The following MID1 variants were observed in gnomAD, a reference collection of about 807,000 sequenced individuals.
The protein encoded by MID1 is midline 1.
In MID1, 7 loss-of-function variants were observed where a neutral mutation model predicts 40.4. The observed-to-expected ratio is 0.17, with a 90% CI of 0.10 to 0.33. The LOEUF (loss-of-function observed/expected upper bound fraction) is 0.33, where lower values mean the gene tolerates loss of function less well. MID1 is among the 10% of genes least tolerant of loss of function. The probability of loss-of-function intolerance (pLI) is 1.00; values close to 1 mark genes in which losing one functional copy is unlikely to be tolerated. For synonymous variants in MID1, 229 were observed against 221.2 expected, an observed-to-expected ratio of 1.04 and a Z score of -0.31; for missense variants, 367 against 558.5, an observed-to-expected ratio of 0.66 and a Z score of 3.46.
chrX:10,561,379 A>C (rs1251071881), intron 2 of MID1, among the ~76,000 whole-genome samples: 3 of 107,115 alleles, frequency 2.8e-5, no homozygotes, highest in Non-Finnish European at 5.7e-5. Context: ...GGATCTAATT[A>C]AACTAAAGAG....
chrX:10,769,464 G>A (rs1309238625), intron 1 of MID1, among the ~76,000 whole-genome samples: 2 of 111,808 alleles, frequency 1.8e-5, no homozygotes, highest in Non-Finnish European at 3.8e-5. Context: ...TTTCCTCTGT[G>A]CCTTGAGACT....
rs755776145 is a variant in MID1 at position 10,728,379 on chromosome X, G to C, written c.-187+105175C>G. ...ACATCACACTTCTTGGAACAGTGTT[G>C]ACACAGTTCAATAAACGTTTATTGT... On this transcript the variant is annotated intron_variant, in intron 1 of 10. Transcript: ENST00000380785. Among the ~76,000 whole-genome samples the C allele has an allele frequency of 3.8e-4, 42 of 111,644 alleles. 1 individual carries two copies. The highest frequency in any genetic ancestry group is 5.1e-4 in the Non-Finnish European group (27 of 53,178).
chrX:10,654,398 C>G (rs958710597), intron 1 of MID1, among the ~76,000 whole-genome samples: 2 of 111,659 alleles, frequency 1.8e-5, no homozygotes, highest in Non-Finnish European at 3.8e-5. Context: ...CGCCAGGGAC[C>G]GGTTTCATGG....
chrX:10,626,314 T>C (rs916475179), intron 1 of MID1, among the ~76,000 whole-genome samples: 3 of 95,119 alleles, frequency 3.2e-5, no homozygotes, highest in Non-Finnish European at 5.9e-5. Flanking sequence ...TATGAAACTA[T>C]TATTATTATT....
chrX:10,483,605 C>T (rs969778871), intron 4 of MID1, among the ~76,000 whole-genome samples: 1 of 112,063 alleles, frequency 8.9e-6, no homozygotes, highest in African/African-American at 3.2e-5. Context: ...TTTCAACCGG[C>T]TTTATGATAA....
intron 7 of MID1, among the ~76,000 whole-genome samples, chrX:10,467,200 G>T (rs911859427): frequency 9.0e-6 from 1 of 111,586 alleles, no homozygotes; most frequent in Non-Finnish European, 1.9e-5. Context: ...TGATATCTCA[G>T]ACATAATATT....
chrX:10,672,674 T>G (rs1412617520), intron 1 of MID1, among the ~76,000 whole-genome samples: 2 of 111,319 alleles, frequency 1.8e-5, no homozygotes, highest in Admixed American at 9.6e-5. Context: ...GCTTCAGACC[T>G]CCAGGAATGT....
chrX:10,561,271 G>C (rs1934327362), intron 2 of MID1, among the ~76,000 whole-genome samples: 1 of 107,108 alleles, frequency 9.3e-6, no homozygotes, highest in African/African-American at 3.7e-5. Flanking sequence ...AACCCTAGAA[G>C]AAAACCTAGG....
At chrX:10,687,880 CT>C (rs887297678) in intron 1 of MID1, among the ~76,000 whole-genome samples, 2 of 110,563 alleles carry the variant, frequency 1.8e-5, no homozygotes, top group East Asian at 2.9e-4. Context: ...TGCCTACCTA[CT>C]TTTTTTTCTA....
chrX:10,829,711 T>C (rs1228830705), intron 1 of MID1, among the ~76,000 whole-genome samples: 1 of 111,583 alleles, frequency 9.0e-6, no homozygotes, highest in Non-Finnish European at 1.9e-5. Flanking sequence ...TTTCCTCAAA[T>C]ATAAATATAT....
upstream of MID1, among the ~76,000 whole-genome samples, chrX:10,621,366 C>T (rs779059103): frequency 2.6e-4 from 29 of 111,807 alleles, no homozygotes; most frequent in African/African-American, 9.4e-4. Flanking sequence ...TAGAAACAAA[C>T]TCAGACCAAA....
chrX:10,469,320 GTT>G, intron 7 of MID1: 1 of 944,924 alleles, frequency 1.1e-6, no homozygotes, highest in Non-Finnish European at 1.3e-6. Flanking sequence ...ACCTATGAAT[GTT>G]TCTTTAAGCA....
chrX:10,533,372 G>GAA (rs1569089737), intron 2 of MID1, among the ~76,000 whole-genome samples: 60 of 49,581 alleles, frequency 1.2e-3, no homozygotes, highest in African/African-American at 3.1e-3. Context: ...AAGAAAGAAA[G>GAA]AAAGAAAAAG....
chrX:10,539,296 G>T (rs144411976), intron 2 of MID1, among the ~76,000 whole-genome samples: 1,316 of 111,526 alleles, frequency 0.012, 20 homozygotes, highest in African/African-American at 0.041. Flanking sequence ...TCATTAGATC[G>T]TGCGGCTGGC....
intron 5 of MID1, among the ~76,000 whole-genome samples, chrX:10,482,150 T>C (rs1930363799): frequency 8.9e-6 from 1 of 111,980 alleles, no homozygotes; most frequent in Non-Finnish European, 1.9e-5. Flanking sequence ...AAGTGTACGA[T>C]AACATCACAT....
intron 1 of MID1, among the ~76,000 whole-genome samples, chrX:10,790,100 C>T (rs1265867921): frequency 9.0e-6 from 1 of 111,143 alleles, no homozygotes; most frequent in Non-Finnish European, 1.9e-5. Context: ...TCTTATGTTT[C>T]GTATCATGAC....
chrX:10,524,038 T>C (rs1259398050), intron 2 of MID1, among the ~76,000 whole-genome samples: 1 of 111,918 alleles, frequency 8.9e-6, no homozygotes, highest in South Asian at 3.7e-4. Flanking sequence ...TAATCCTTTA[T>C]GGATACCAAC....
intron 1 of MID1, among the ~76,000 whole-genome samples, chrX:10,755,819 T>C (rs1167675859): frequency 8.9e-6 from 1 of 111,890 alleles, no homozygotes; most frequent in Non-Finnish European, 1.9e-5. Context: ...AAGTTTAGAA[T>C]GTCAGAGATG....
chrX:10,456,316 C>A (rs1300740382), intron 8 of MID1, among the ~76,000 whole-genome samples: 1 of 111,942 alleles, frequency 8.9e-6, no homozygotes, highest in Admixed American at 9.5e-5. Context: ...CTGCAAAGGG[C>A]CTGACAGTAA....
Sources: allele counts gnomAD v4.1 joint callset (sites outside exome capture counted in the v4.1 genomes callset), GRCh38; gene constraint gnomAD v4.1.1; transcripts MANE v1.5; gene names NCBI Gene and HGNC (gene_info 2026-07-23, HGNC 2026-07-21).